TSHZ3: variants seen among roughly 807,000 people sequenced by gnomAD.
TSHZ3 encodes the protein teashirt homolog 3.
TSHZ3 carries 10 observed loss-of-function variants against 64.5 expected under a neutral mutation model. That is an observed-to-expected ratio of 0.16 (90% CI 0.10 to 0.26). The LOEUF (loss-of-function observed/expected upper bound fraction) is 0.26, where lower values mean the gene tolerates loss of function less well. Among genes scored for constraint, TSHZ3 ranks in the 10% least tolerant of loss-of-function variants. The pLI is 1.00. For missense variants in TSHZ3, 1,242 were observed against 1,421.7 expected (o/e 0.87, Z 2.03); for synonymous variants, 608 against 593.1 (o/e 1.03, Z -0.36).
chr19:31,164,846 C>T (rs1974422703), intron 5 of TSHZ3, among the ~76,000 whole-genome samples: 1 of 152,312 alleles, frequency 6.6e-6, no homozygotes, highest in Non-Finnish European at 1.5e-5. Context: ...GTTAATACAC[C>T]ACCCATCGTC....
exon 7 of TSHZ3, among the ~76,000 whole-genome samples, chr19:31,150,088 G>A (rs1278972061): frequency 6.6e-6 from 1 of 152,222 alleles, no homozygotes; most frequent in Non-Finnish European, 1.5e-5. Context: ...GAGGACTTCT[G>A]TGAATGGATC....
At chr19:31,222,910 T>C (rs940814856) in intron 4 of TSHZ3, among the ~76,000 whole-genome samples, 1 of 152,180 alleles carries the variant, frequency 6.6e-6, no homozygotes. Flanking sequence ...AGAAGACATG[T>C]CAATAATACC....
At chr19:31,166,724 C>T (rs1342585885) in intron 5 of TSHZ3, among the ~76,000 whole-genome samples, 1 of 152,170 alleles carries the variant, frequency 6.6e-6, no homozygotes, top group African/African-American at 2.4e-5. Flanking sequence ...TCCTTTTCAC[C>T]CCTGCAACTG....
At chr19:31,325,969 T>C (rs1055104862) in intron 1 of TSHZ3, among the ~76,000 whole-genome samples, 1 of 152,210 alleles carries the variant, frequency 6.6e-6, no homozygotes, top group African/African-American at 2.4e-5. Context: ...ACAGCAAAGT[T>C]TAAAGAATTT....
At chr19:31,298,270 G>A (rs1380015778) in intron 1 of TSHZ3, among the ~76,000 whole-genome samples, 2 of 152,106 alleles carry the variant, frequency 1.3e-5, no homozygotes, top group East Asian at 3.9e-4. Flanking sequence ...CCATAGCCCT[G>A]CAGAAACCCT....
chr19:31,224,408 T>C (rs527247394), intron 4 of TSHZ3, among the ~76,000 whole-genome samples: 10 of 152,342 alleles, frequency 6.6e-5, no homozygotes, highest in East Asian at 1.9e-4. Flanking sequence ...TGCTAAGATA[T>C]CTGTAAATAG....
At chr19:31,222,342 G>A (rs1013735076) in intron 4 of TSHZ3, among the ~76,000 whole-genome samples, 14 of 152,174 alleles carry the variant, frequency 9.2e-5, no homozygotes, top group Non-Finnish European at 1.9e-4. Flanking sequence ...TCAGTCAAAC[G>A]CATGTGACCA....
downstream of TSHZ3, among the ~76,000 whole-genome samples, chr19:31,270,808 T>G (rs1976124590): frequency 1.3e-5 from 2 of 152,194 alleles, no homozygotes. Context: ...GTATCCTACT[T>G]CCTGAGTTGG....
At chr19:31,204,519 C>T (rs990302900) in intron 5 of TSHZ3, among the ~76,000 whole-genome samples, 2 of 152,118 alleles carry the variant, frequency 1.3e-5, no homozygotes, top group Non-Finnish European at 2.9e-5. Flanking sequence ...ATATATCACT[C>T]CACTGTAGCA....
At chr19:31,203,391 A>G (rs1391418598) in intron 5 of TSHZ3, among the ~76,000 whole-genome samples, 1 of 151,368 alleles carries the variant, frequency 6.6e-6, no homozygotes, top group East Asian at 2.0e-4. Context: ...CCAGAAAGGA[A>G]TGGAAATTGT....
At chr19:31,344,907 A>C (rs1019900814) in intron 1 of TSHZ3, among the ~76,000 whole-genome samples, 1 of 152,222 alleles carries the variant, frequency 6.6e-6, no homozygotes, top group Non-Finnish European at 1.5e-5. Flanking sequence ...CTGAGGCATC[A>C]GTTATTGACT....
At chr19:31,346,245 T>A (rs1917589555) in intron 1 of TSHZ3, among the ~76,000 whole-genome samples, 1 of 152,180 alleles carries the variant, frequency 6.6e-6, no homozygotes, top group Non-Finnish European at 1.5e-5. Flanking sequence ...GTGGTTGTTA[T>A]TCTACCCTAG....
At chr19:31,325,550 T>C (rs958612446) in intron 1 of TSHZ3, among the ~76,000 whole-genome samples, 2 of 152,160 alleles carry the variant, frequency 1.3e-5, no homozygotes, top group African/African-American at 4.8e-5. Flanking sequence ...GCCAGAGACA[T>C]CACGCGCGCA....
chr19:31,327,077 A>AT (rs1916953144), intron 1 of TSHZ3, among the ~76,000 whole-genome samples: 1 of 152,160 alleles, frequency 6.6e-6, no homozygotes, highest in Non-Finnish European at 1.5e-5. Flanking sequence ...TTTCTGTTTC[A>AT]TTAAAAAAAA....
chr19:31,152,374 C>T (rs915055835), intron 6 of TSHZ3, among the ~76,000 whole-genome samples: 1 of 151,940 alleles, frequency 6.6e-6, no homozygotes, highest in African/African-American at 2.4e-5. Flanking sequence ...TTTTCCTTTT[C>T]GCTGACTATT....
exon 7 of TSHZ3, among the ~76,000 whole-genome samples, chr19:31,151,550 T>C (rs4804948): frequency 0.26 from 38,825 of 152,026 alleles, 5,125 homozygotes; most frequent in East Asian, 0.36. Flanking sequence ...TTCTACTATA[T>C]GACAGCAGCT....
At chr19:31,321,336 C>T (rs1468331293) in intron 1 of TSHZ3, among the ~76,000 whole-genome samples, 2 of 152,232 alleles carry the variant, frequency 1.3e-5, no homozygotes, top group African/African-American at 2.4e-5. Context: ...GCCCGCCAAT[C>T]GGAGCTCTAC....
intron 6 of TSHZ3, among the ~76,000 whole-genome samples, chr19:31,152,670 C>A: frequency 6.6e-6 from 1 of 152,112 alleles, no homozygotes; most frequent in East Asian, 1.9e-4. Flanking sequence ...GGAGTAGAAC[C>A]TTCACGATTA....
intron 4 of TSHZ3, among the ~76,000 whole-genome samples, chr19:31,220,777 A>C (rs1362304691): frequency 1.3e-5 from 2 of 152,032 alleles, no homozygotes; most frequent in Non-Finnish European, 2.9e-5. Context: ...ACCACACCTC[A>C]CTGCAAAGGA....
Sources: gnomAD v4.1 joint callset for allele counts (sites outside exome capture counted in the v4.1 genomes callset) on GRCh38, gnomAD v4.1.1 for gene constraint, MANE v1.5 for transcripts, NCBI Gene and HGNC (gene_info 2026-07-23, HGNC 2026-07-21) for gene names.